Variants in SLC2A13 observed in about 807,000 individuals in gnomAD.
SLC2A13 encodes the protein solute carrier family 2 member 13, also known as proton myo-inositol cotransporter.
A neutral mutation model predicts 64.4 loss-of-function variants in SLC2A13; 32 were observed. That is an observed-to-expected ratio of 0.50 (90% CI 0.37 to 0.67). The LOEUF is 0.67. SLC2A13 is among the 30% of genes least tolerant of loss of function. SLC2A13 has a pLI of 0.00. For synonymous variants in SLC2A13, 338 were observed against 327.1 expected, an observed-to-expected ratio of 1.03 and a Z score of -0.36; for missense variants, 743 against 829.2, an observed-to-expected ratio of 0.90 and a Z score of 1.28.
In SLC2A13 at chr12:40,097,781, T is replaced by C. The variant is rs145641541; in HGVS notation, c.556+7472A>G. Reference sequence around the variant, plus strand: ...GAACCCTGTATACTGCTGGTAGCAATGTAAAATGCAGCCACTATGGAAAAT... The same window carrying C: ...GAACCCTGTATACTGCTGGTAGCAACGTAAAATGCAGCCACTATGGAAAAT... On this transcript the variant is annotated intron_variant, in intron 1 of 9. Coordinates refer to ENST00000280871, the MANE Select transcript of SLC2A13 (RefSeq NM_052885.4). Among the ~76,000 whole-genome samples, 32 of 152,192 alleles carry C rather than the reference T, an allele frequency of 2.1e-4. No individual in the cohort carries two copies. In the East Asian group the frequency reaches 5.2e-3, roughly 25 times the overall value.
chr12:39,817,723 C>T (rs1942378984), intron 7 of SLC2A13, among the ~76,000 whole-genome samples: 1 of 152,146 alleles, frequency 6.6e-6, no homozygotes, highest in African/African-American at 2.4e-5. Context: ...ATATCTATAG[C>T]CAACGTATGC....
At chr12:39,864,186 C>T (rs1851283409) in intron 6 of SLC2A13, among the ~76,000 whole-genome samples, 1 of 152,208 alleles carries the variant, frequency 6.6e-6, no homozygotes, top group South Asian at 2.1e-4. Flanking sequence ...AGTGTGTACA[C>T]TGTTAGATTT....
At chr12:39,833,513 T>C (rs1417510392) in intron 6 of SLC2A13, among the ~76,000 whole-genome samples, 1 of 152,032 alleles carries the variant, frequency 6.6e-6, no homozygotes, top group African/African-American at 2.4e-5. Context: ...AGATCCTCAA[T>C]GTCTTCATAT....
chr12:39,830,584 C>T, intron 6 of SLC2A13: 1 of 630,496 alleles, frequency 1.6e-6, no homozygotes, highest in Non-Finnish European at 2.0e-6. Context: ...TGTGATCCAG[C>T]CCTGACTGGT....
chr12:39,981,607 T>C (rs981594756), intron 3 of SLC2A13, among the ~76,000 whole-genome samples: 8 of 150,712 alleles, frequency 5.3e-5, no homozygotes, highest in East Asian at 2.0e-4. Context: ...ACACATACAC[T>C]CTCCCAAGAC....
intron 4 of SLC2A13, among the ~76,000 whole-genome samples, chr12:39,894,848 A>G (rs921058270): frequency 6.6e-6 from 1 of 152,160 alleles, no homozygotes; most frequent in African/African-American, 2.4e-5. Flanking sequence ...GCAAAAAGTC[A>G]AAGAAAAAAG....
chr12:39,760,170 T>G lies in SLC2A13; in HGVS notation c.1803A>C (p.Lys601Asn), dbSNP rs769905519. Residue 601 changes from lysine (K) to asparagine (N), a missense_variant, in exon 10 of 10, where the codon AAA becomes AAC. Around this residue, in one of 2 missense-constraint regions of SLC2A13, gnomAD observed 295 missense variants for 381.7 expected, o/e 0.77. Transcript: ENST00000280871. ...CAAAGAGTGATTCAATTTCCTCTAA[T>G]TTTTTGCCTTTGGTCTCAGGAAGAC... ...YGCLPETKGK[K>N]LEEIESLFDN... 1 of 1,612,820 alleles carries G rather than the reference T, an allele frequency of 6.2e-7. No individual in the cohort carries two copies. Among genetic ancestry groups the G allele is most frequent in the Non-Finnish European group, 8.5e-7 (1 of 1,179,354 alleles).
At chr12:39,947,239 C>T (rs563665792) in intron 4 of SLC2A13, among the ~76,000 whole-genome samples, 20 of 152,258 alleles carry the variant, frequency 1.3e-4, no homozygotes, top group African/African-American at 4.1e-4. Flanking sequence ...TCTCTTTATC[C>T]GAAGCAAACT....
At chr12:39,916,930 G>T (rs1302696861) in intron 4 of SLC2A13, among the ~76,000 whole-genome samples, 1 of 152,076 alleles carries the variant, frequency 6.6e-6, no homozygotes. Flanking sequence ...CAGAGCTTCA[G>T]TCCTTCTCTA....
chr12:39,848,572 G>A (rs1592201458), intron 6 of SLC2A13, among the ~76,000 whole-genome samples: 2 of 152,196 alleles, frequency 1.3e-5, no homozygotes. Context: ...TATACTGTTG[G>A]TAGGAGTGTA....
intron 3 of SLC2A13, among the ~76,000 whole-genome samples, chr12:39,955,262 A>G (rs575826179): frequency 4.3e-4 from 66 of 152,322 alleles, no homozygotes; most frequent in African/African-American, 1.5e-3. Context: ...ACACATTTCT[A>G]TGAAAATTAG....
chr12:39,764,791 A>C lies in SLC2A13; in HGVS notation c.1513T>G (p.Tyr505Asp). ...FWAYNFCPTP[Y>D]SWTALLGLIL... ...AGGCCCAGAAGTGCAGTCCAGGAGT[A>C]TGGAGTAGGGCAGAAATTGTAAGCC... is the stretch of plus-strand genomic sequence containing the variant. The change falls in exon 8 of 10, where the codon TAC (tyrosine) becomes GAC (aspartate). Residue 505 changes from tyrosine (Y) to aspartate (D), a missense_variant. By Grantham distance (160) the Tyr-to-Asp change is radical. Around this residue, in one of 2 missense-constraint regions of SLC2A13, gnomAD observed 295 missense variants for 381.7 expected, o/e 0.77. Transcript: ENST00000280871. 7 of 1,612,872 alleles carry C rather than the reference A, an allele frequency of 4.3e-6. No individual in the cohort carries two copies. The highest frequency in any genetic ancestry group is 5.9e-6 in the Non-Finnish European group (7 of 1,179,290).
intron 4 of SLC2A13, among the ~76,000 whole-genome samples, chr12:39,910,894 C>G (rs1294378676): frequency 6.6e-6 from 1 of 151,916 alleles, no homozygotes; most frequent in Non-Finnish European, 1.5e-5. Flanking sequence ...ACCAGCCTGA[C>G]CAATATGGTG....
At chr12:39,830,349 A>G (rs1202716596) in intron 6 of SLC2A13, 121 bp from the exon 7 acceptor site, 1 of 1,457,960 alleles carries the variant, frequency 6.9e-7, no homozygotes, top group Non-Finnish European at 9.0e-7. Context: ...GGGCCTTGGG[A>G]CTTGTTTTGG....
At chr12:39,835,204 G>A (rs972281792) in intron 6 of SLC2A13, among the ~76,000 whole-genome samples, 2 of 151,986 alleles carry the variant, frequency 1.3e-5, no homozygotes, top group African/African-American at 4.8e-5. Context: ...CCTGGACTAA[G>A]GTCTAAATTC....
chr12:39,921,589 G>A (rs1322955577), intron 4 of SLC2A13, among the ~76,000 whole-genome samples: 2 of 152,130 alleles, frequency 1.3e-5, no homozygotes, highest in Non-Finnish European at 2.9e-5. Context: ...AAAGGTGTCA[G>A]TGCAAGGTAT....
intron 3 of SLC2A13, among the ~76,000 whole-genome samples, chr12:39,980,868 T>C (rs965781918): frequency 1.3e-4 from 20 of 151,616 alleles, no homozygotes; most frequent in African/African-American, 4.6e-4. Context: ...CAACAGAATA[T>C]ACATTTTTTT....
At chr12:39,985,194 G>A (rs1029366183) in intron 3 of SLC2A13, among the ~76,000 whole-genome samples, 1 of 152,012 alleles carries the variant, frequency 6.6e-6, no homozygotes, top group African/African-American at 2.4e-5. Context: ...CATGATTATC[G>A]CAATTTTGTC....
chr12:40,080,248 CT>C (rs1194194862), intron 1 of SLC2A13, among the ~76,000 whole-genome samples: 2 of 152,148 alleles, frequency 1.3e-5, no homozygotes, highest in African/African-American at 2.4e-5. Flanking sequence ...CTTGATAGAT[CT>C]TTCTCCATCC....
Sources: gnomAD v4.1 joint callset for allele counts (sites outside exome capture counted in the v4.1 genomes callset) on GRCh38, gnomAD v4.1.1 for gene constraint, gnomAD v4.1.1 regional missense constraint, MANE v1.5 for transcripts, NCBI Gene and HGNC (gene_info 2026-07-23, HGNC 2026-07-21) for gene names.